Variants in LRCH3 observed in about 807,000 individuals in gnomAD.
LRCH3 encodes leucine rich repeats and calponin homology domain containing 3, also known as DISP complex protein LRCH3.
Under a neutral mutation model 104.5 loss-of-function variants are expected in LRCH3, and 68 were observed. That is an observed-to-expected ratio of 0.65 (90% CI 0.54 to 0.80). The LOEUF (loss-of-function observed/expected upper bound fraction) is 0.80, where lower values mean the gene tolerates loss of function less well. LRCH3 is among the 30% of genes least tolerant of loss of function. The pLI is 0.00. For synonymous variants in LRCH3, 344 were observed against 361.3 expected (o/e 0.95, Z 0.54); for missense variants, 951 against 953.9 (o/e 1.00, Z 0.04).
At chr3:197,831,453 G>C (rs1306399281) in intron 7 of LRCH3, among the ~76,000 whole-genome samples, 1 of 151,934 alleles carries the variant, frequency 6.6e-6, no homozygotes, top group Non-Finnish European at 1.5e-5. Flanking sequence ...TAGCAAGACT[G>C]ATAACCTACT....
chr3:197,866,300 C>G, intron 17 of LRCH3, 81 bp downstream of exon 17: 1 of 950,054 alleles, frequency 1.1e-6, no homozygotes, highest in Non-Finnish European at 1.7e-6. Flanking sequence ...TGCTTTTAAA[C>G]TTCTGCATAT....
Position 197,887,560 on chromosome 3 carries a change from G to C in LRCH3, c.*3894G>C, listed in dbSNP as rs527410266. On this transcript the variant is annotated 3_prime_UTR_variant, in exon 21 of 21. Transcript: ENST00000425562. ...TGGCGGCTGAGAGCCCCCCAGCAGAGCCCTTCCCATCACTGACAGTGTTGG... is the reference window on the plus strand; with the variant it reads ...TGGCGGCTGAGAGCCCCCCAGCAGACCCCTTCCCATCACTGACAGTGTTGG... The C allele has an allele frequency of 7.0e-6, 1 of 142,682 alleles. No homozygotes were observed. Among genetic ancestry groups the C allele is most frequent in the East Asian group, 2.2e-4 (1 of 4,464 alleles). The allele number at this position is 142,682 out of a possible 1,614,324, so 8.8% of individuals were successfully genotyped here.
At chr3:197,879,982 G>A (rs1335441342) in intron 20 of LRCH3, among the ~76,000 whole-genome samples, 1 of 146,454 alleles carries the variant, frequency 6.8e-6, no homozygotes. Context: ...GTCTCGCTCT[G>A]TCACCCAGGC....
At chr3:197,873,449 G>C (rs1712473759) in intron 19 of LRCH3, among the ~76,000 whole-genome samples, 1 of 152,164 alleles carries the variant, frequency 6.6e-6, no homozygotes, top group Admixed American at 6.5e-5. Flanking sequence ...CAAGGAGGGA[G>C]TGTCGTGTGG....
chr3:197,833,365 G>GAAAAAAAAAAAAAAAAA (rs71166710), intron 8 of LRCH3, among the ~76,000 whole-genome samples: 1 of 33,338 alleles, frequency 3.0e-5, no homozygotes, highest in Non-Finnish European at 4.8e-5. Flanking sequence ...ACTAAAAACC[G>GAAAAAAAAAAAAAAAAA]AAAAAAAAAA....
intron 10 of LRCH3, among the ~76,000 whole-genome samples, chr3:197,844,565 GTGTT>G (rs1460130930): frequency 6.6e-6 from 1 of 151,528 alleles, no homozygotes; most frequent in Non-Finnish European, 1.5e-5. Flanking sequence ...CTTGAAAACA[GTGTT>G]TGAAGAAGTA....
intron 4 of LRCH3, among the ~76,000 whole-genome samples, chr3:197,826,003 G>A (rs1735164164): frequency 6.6e-6 from 1 of 151,916 alleles, no homozygotes; most frequent in South Asian, 2.1e-4. Flanking sequence ...ATTTTCTTCT[G>A]CTTTCTATAA....
At chr3:197,881,166 G>A (rs879343921) in intron 20 of LRCH3, 19 of 1,009,900 alleles carry the variant, frequency 1.9e-5, no homozygotes, top group Non-Finnish European at 2.0e-5. Context: ...GAGGAGAACC[G>A]TCGTGCCTTT....
chr3:197,798,484 C>T (rs114876690), intron 1 of LRCH3, among the ~76,000 whole-genome samples: 1,537 of 152,202 alleles, frequency 0.01, 23 homozygotes, highest in African/African-American at 0.035. Context: ...AGGTGGACTA[C>T]AATCACACAC....
rs1712182345 is a variant in LRCH3, at chr3:197,871,439, A to G, written c.2107A>G (p.Ile703Val). 1.2e-6 allele frequency: 2 copies of G among 1,611,896 alleles called. No homozygotes were observed. Among genetic ancestry groups the G allele is most frequent in the Non-Finnish European group, 8.5e-7 (1 of 1,178,112 alleles). The part of the protein sequence containing the change: ...NHVRPRSVPS[I>V]HVPSPAVPKL... ...TGTGCGACCTCGATCTGTCCCAAGCATTCATGTTCCCTCACCAGCTGTAGT... is the reference window on the plus strand; with the variant it reads ...TGTGCGACCTCGATCTGTCCCAAGCGTTCATGTTCCCTCACCAGCTGTAGT... Residue 703 changes from isoleucine to valine, a missense_variant, in exon 19 of 21, where the codon ATT becomes GTT. Transcript: ENST00000425562.
intron 1 of LRCH3, among the ~76,000 whole-genome samples, chr3:197,809,431 G>A (rs573667094): frequency 6.6e-6 from 1 of 152,194 alleles, no homozygotes; most frequent in Non-Finnish European, 1.5e-5. Context: ...CATGACTCTT[G>A]CCAAACTTAG....
At chr3:197,833,364 C>CG (rs1477875489) in intron 8 of LRCH3, among the ~76,000 whole-genome samples, 130 of 3,600 alleles carry the variant, frequency 0.036, 1 homozygote, top group African/African-American at 0.12. Context: ...TACTAAAAAC[C>CG]GAAAAAAAAA....
At position 197,859,061 on chromosome 3, in the gene LRCH3, AT is replaced by A. The variant is rs1276559136; in HGVS notation, c.1716+162del. The A allele has an allele frequency of 7.6e-5, 49 of 643,482 alleles. No individual in the cohort carries two copies. In the South Asian group the frequency reaches 9.0e-4, roughly 12 times the overall value. 39.9% of individuals were successfully genotyped at this position (643,482 alleles called of 1,614,324 possible). On this transcript the variant is annotated intron_variant, in intron 15 of 20. Transcript: ENST00000425562. ...TTGTTTAACATTGATTTCCCTTGAA[AT>A]TTTTTGAAAGTTTTATGATGCTAGA... is the stretch of plus-strand genomic sequence containing the variant.
At chr3:197,872,193 C>A (rs1384894147) in intron 19 of LRCH3, among the ~76,000 whole-genome samples, 1 of 150,774 alleles carries the variant, frequency 6.6e-6, no homozygotes, top group African/African-American at 2.4e-5. Context: ...CCCGTCTCTA[C>A]CAAAAATACA....
At chr3:197,814,843 T>C in intron 1 of LRCH3, 65 bp from the exon 2 acceptor site, 2 of 1,362,272 alleles carry the variant, frequency 1.5e-6, no homozygotes, top group Non-Finnish European at 2.0e-6. Context: ...ATGTGGAAAA[T>C]CAAAAGATTT....
intron 15 of LRCH3, among the ~76,000 whole-genome samples, chr3:197,863,548 C>G (rs1020409402): frequency 3.9e-5 from 6 of 152,188 alleles, no homozygotes; most frequent in Non-Finnish European, 7.4e-5. Flanking sequence ...TGTGGCCCAT[C>G]GCGCTCGGCC....
At chr3:197,828,494 T>C (rs149719569) in intron 5 of LRCH3, among the ~76,000 whole-genome samples, 4,345 of 151,732 alleles carry the variant, frequency 0.029, 108 homozygotes, top group East Asian at 0.054. Context: ...TACAGGTGCC[T>C]GCCACCATGC....
At chr3:197,797,550 G>C (rs911026429) in intron 1 of LRCH3, among the ~76,000 whole-genome samples, 3 of 151,948 alleles carry the variant, frequency 2.0e-5, no homozygotes, top group Admixed American at 2.0e-4. Flanking sequence ...AACTAGGCCT[G>C]TACTAGAATT....
At chr3:197,830,924 A>G (rs1426542937) in intron 7 of LRCH3, 61 bp downstream of exon 7, 1 of 1,376,788 alleles carries the variant, frequency 7.3e-7, no homozygotes, top group Non-Finnish European at 1.0e-6. Flanking sequence ...AGAATGATGA[A>G]AATGAAAAGC....
Sources: allele counts gnomAD v4.1 joint callset (sites outside exome capture counted in the v4.1 genomes callset), GRCh38; gene constraint gnomAD v4.1.1; transcripts MANE v1.5; gene names NCBI Gene and HGNC (gene_info 2026-07-23, HGNC 2026-07-21).